Variants in TRPS1 observed in about 807,000 individuals in gnomAD.
The protein encoded by TRPS1 is zinc finger transcription factor Trps1.
Under a neutral mutation model 101.2 loss-of-function variants are expected in TRPS1, and 6 were observed. The observed-to-expected ratio is 0.06, with a 90% confidence interval of 0.03 to 0.12. The LOEUF (loss-of-function observed/expected upper bound fraction) is 0.12, where lower values mean the gene tolerates loss of function less well. Ranked by LOEUF, TRPS1 falls within the 10% of genes least tolerant of loss-of-function variation. The pLI, the probability that TRPS1 is intolerant of heterozygous loss-of-function variation, is 1.00. For synonymous variants in TRPS1, 578 were observed against 589.8 expected (o/e 0.98, Z 0.29); for missense variants, 1,363 against 1,567.0 (o/e 0.87, Z 2.20).
chr8:115,482,925 T>C (rs1282576712), intron 5 of TRPS1, among the ~76,000 whole-genome samples: 1 of 152,208 alleles, frequency 6.6e-6, no homozygotes, highest in African/African-American at 2.4e-5. Context: ...ATATAACTGG[T>C]TGTATAACTT....
chr8:115,563,757 A>G lies in TRPS1; in HGVS notation c.2700+23244T>C, dbSNP rs138241317. On this transcript the variant is annotated intron_variant, in intron 5 of 6. Transcript: ENST00000395715. ...AGTTCCCAAGCTGTCATAATGCTTAAACTCCAGCTGAGGTATTAGGTGTTA... is the reference window on the plus strand; with the variant it reads ...AGTTCCCAAGCTGTCATAATGCTTAGACTCCAGCTGAGGTATTAGGTGTTA... Among the ~76,000 whole-genome samples, 3 of 152,190 alleles carry G rather than the reference A, an allele frequency of 2.0e-5. No homozygotes were observed. The East Asian group carries it at 5.8e-4, about 30-fold the overall frequency.
intron 1 of TRPS1, chr8:115,667,853 T>C (rs1811961103): frequency 1.3e-6 from 2 of 1,528,840 alleles, no homozygotes; most frequent in Admixed American, 3.9e-5. Flanking sequence ...CTCCCGACCC[T>C]CCCGAGTTCG....
intron 5 of TRPS1, among the ~76,000 whole-genome samples, chr8:115,486,923 G>A (rs549629269): frequency 6.6e-6 from 1 of 152,304 alleles, no homozygotes; most frequent in East Asian, 1.9e-4. Context: ...GAAGATAGCT[G>A]CAATAAACAA....
chr8:115,418,739 C>T lies in TRPS1; in HGVS notation c.2701-287G>A, dbSNP rs947253461. ...TGGCTTTAATGATGGCTCCTAAATG[C>T]TGAACCCTAAAATATACCTTTTAAA... On this transcript the variant is annotated intron_variant, in intron 5 of 6. Coordinates refer to ENST00000395715, the MANE Select transcript of TRPS1 (RefSeq NM_014112.5). The surrounding 1 kb of genome is among the most constrained non-coding windows in gnomAD (Gnocchi z 4.3). Among the ~76,000 whole-genome samples the T allele has an allele frequency of 2.0e-5, 3 of 152,126 alleles. No homozygotes were observed. Among genetic ancestry groups the T allele is most frequent in the South Asian group, 4.1e-4 (2 of 4,834 alleles).
intron 5 of TRPS1, among the ~76,000 whole-genome samples, chr8:115,552,204 A>G (rs1206571834): frequency 1.3e-5 from 2 of 152,162 alleles, no homozygotes; most frequent in Non-Finnish European, 2.9e-5. Flanking sequence ...CAAATCTAAC[A>G]GTATATGCTT....
At chr8:115,580,708 T>C (rs1211446803) in intron 5 of TRPS1, among the ~76,000 whole-genome samples, 2 of 152,164 alleles carry the variant, frequency 1.3e-5, no homozygotes, top group Admixed American at 6.5e-5. Flanking sequence ...TTTAGAAACC[T>C]GGGCCAGCAG....
At chr8:115,531,015 C>T (rs575973977) in intron 5 of TRPS1, among the ~76,000 whole-genome samples, 2 of 152,124 alleles carry the variant, frequency 1.3e-5, no homozygotes, top group South Asian at 2.1e-4. Flanking sequence ...ACCAACATGG[C>T]ACATGTATAC....
At chr8:115,459,851 C>T (rs889587396) in intron 5 of TRPS1, among the ~76,000 whole-genome samples, 2 of 152,140 alleles carry the variant, frequency 1.3e-5, no homozygotes, top group Admixed American at 6.6e-5. Flanking sequence ...AAATGGATAT[C>T]TAAGTCTTTT....
At chr8:115,434,171 G>T (rs551506065) in intron 5 of TRPS1, among the ~76,000 whole-genome samples, 24 of 152,222 alleles carry the variant, frequency 1.6e-4, no homozygotes, top group African/African-American at 5.3e-4. Flanking sequence ...ATTACAAATG[G>T]TTTGACTTAA....
chr8:115,447,250 C>G (rs546681981), intron 5 of TRPS1, among the ~76,000 whole-genome samples: 16 of 152,234 alleles, frequency 1.1e-4, no homozygotes, highest in African/African-American at 3.9e-4. Flanking sequence ...TCCAAAGGAG[C>G]TTAGTCATGT....
rs567788761 is a variant in TRPS1, at chr8:115,652,102, A to G, written c.-122+16443T>C. Among the ~76,000 whole-genome samples, 6 of 152,328 alleles carry G rather than the reference A, an allele frequency of 3.9e-5. No homozygotes were observed. The South Asian group carries it at 8.3e-4, about 21-fold the overall frequency. ...AGTGCATAGATTAAGAGAACATTCA[A>G]TGATAGACTAGAACAAGTGTGGCAG... is the stretch of plus-strand genomic sequence containing the variant. On this transcript the variant is annotated intron_variant, in intron 1 of 6. Coordinates refer to ENST00000395715, the MANE Select transcript of TRPS1 (RefSeq NM_014112.5).
intron 5 of TRPS1, among the ~76,000 whole-genome samples, chr8:115,530,992 A>T (rs1019292475): frequency 6.6e-6 from 1 of 152,142 alleles, no homozygotes; most frequent in South Asian, 2.1e-4. Context: ...TGACGAGTTA[A>T]TGGGTGCAGC....
chr8:115,467,172 G>A (rs1196570846), intron 5 of TRPS1, among the ~76,000 whole-genome samples: 3 of 151,734 alleles, frequency 2.0e-5, no homozygotes, highest in Admixed American at 2.0e-4. Context: ...TTAAAATTTG[G>A]GGAAATTGCG....
At position 115,651,325 on chromosome 8, in the gene TRPS1, C is replaced by T. The variant is rs1811554764; in HGVS notation, c.-122+17220G>A. 2.0e-5 allele frequency among the ~76,000 whole-genome samples: 3 copies of T among 152,192 alleles called. 1 individual carries two copies. The highest frequency in any genetic ancestry group is 2.0e-4 in the Admixed American group (3 of 15,274). On this transcript the variant is annotated intron_variant, in intron 1 of 6. Transcript: ENST00000395715. ...TTTGCAAGCACACTGCAAAATACAA[C>T]ATACTCCGTTGCAACCAGTGGTATC...
intron 5 of TRPS1, among the ~76,000 whole-genome samples, chr8:115,578,573 A>G (rs1817373994): frequency 6.6e-6 from 1 of 152,084 alleles, no homozygotes; most frequent in Non-Finnish European, 1.5e-5. Flanking sequence ...ACAAAAATGA[A>G]CATTGTGGGA....
chr8:115,410,528 C>A lies in TRPS1; in HGVS notation c.*3495G>T, dbSNP rs1812765497. On this transcript the variant is annotated 3_prime_UTR_variant, in exon 7 of 7. Transcript: ENST00000395715. ...TCATGTAGAGAGAATTGGGCATACTCTTTTCCTTTTGAACTACAGAGTTAT... is the reference window on the plus strand; with the variant it reads ...TCATGTAGAGAGAATTGGGCATACTATTTTCCTTTTGAACTACAGAGTTAT... 6.6e-6 allele frequency: 1 copy of A among 152,432 alleles called. No individual in the cohort carries two copies. The highest frequency in any genetic ancestry group is 2.4e-5 in the African/African-American group (1 of 41,420). 9.4% of individuals were successfully genotyped at this position (152,432 alleles called of 1,614,324 possible).
chr8:115,658,881 T>A (rs1028068697), intron 1 of TRPS1, among the ~76,000 whole-genome samples: 1 of 152,136 alleles, frequency 6.6e-6, no homozygotes, highest in Non-Finnish European at 1.5e-5. Context: ...TATTTACACA[T>A]AAAATGTGTA....
intron 5 of TRPS1, among the ~76,000 whole-genome samples, chr8:115,420,300 C>CTAT (rs1393707622): frequency 6.6e-6 from 1 of 152,180 alleles, no homozygotes; most frequent in Non-Finnish European, 1.5e-5. Flanking sequence ...AATCAATGAA[C>CTAT]TATTAGAAGT....
intron 4 of TRPS1, among the ~76,000 whole-genome samples, chr8:115,589,665 A>C (rs1296152110): frequency 6.6e-6 from 1 of 152,242 alleles, no homozygotes; most frequent in South Asian, 2.1e-4. Flanking sequence ...CCTAACCTTT[A>C]ACGTGAAGAC....
Sources: allele counts gnomAD v4.1 joint callset (sites outside exome capture counted in the v4.1 genomes callset), GRCh38; gene constraint gnomAD v4.1.1; non-coding constraint Gnocchi (gnomAD v3.1); transcripts MANE v1.5; gene names NCBI Gene and HGNC (gene_info 2026-07-23, HGNC 2026-07-21).